SORCS3: variants seen among roughly 807,000 people sequenced by gnomAD.
SORCS3 encodes the protein VPS10 domain-containing receptor SorCS3.
In SORCS3, 57 loss-of-function variants were observed where a neutral mutation model predicts 146.3. That is an observed-to-expected ratio of 0.39 (90% CI 0.31 to 0.49). SORCS3 has a LOEUF of 0.49. Ranked by LOEUF, SORCS3 falls within the 20% of genes least tolerant of loss-of-function variation. The pLI is 0.92. For synonymous variants in SORCS3, 653 were observed against 618.5 expected, an observed-to-expected ratio of 1.06 and a Z score of -0.83; for missense variants, 1,341 against 1,575.5, an observed-to-expected ratio of 0.85 and a Z score of 2.52.
At chr10:105,011,454 G>A (rs1272927632) in intron 4 of SORCS3, among the ~76,000 whole-genome samples, 2 of 152,144 alleles carry the variant, frequency 1.3e-5, no homozygotes, top group Non-Finnish European at 2.9e-5. Context: ...TTCTTTCACT[G>A]AGCAGTGATT....
At chr10:105,194,741 T>G (rs1224631851) in intron 14 of SORCS3, among the ~76,000 whole-genome samples, 1 of 152,140 alleles carries the variant, frequency 6.6e-6, no homozygotes, top group African/African-American at 2.4e-5. Context: ...TTTAATTAGT[T>G]GACAAAAATT....
At chr10:105,096,155 C>T (rs1191330274) in intron 6 of SORCS3, among the ~76,000 whole-genome samples, 2 of 151,792 alleles carry the variant, frequency 1.3e-5, no homozygotes, top group African/African-American at 4.8e-5. Flanking sequence ...CAAGCAGGCA[C>T]ACACACACCC....
chr10:105,052,558 G>C (rs1392617043), intron 5 of SORCS3, among the ~76,000 whole-genome samples: 2 of 152,112 alleles, frequency 1.3e-5, no homozygotes, highest in Non-Finnish European at 2.9e-5. Context: ...TATGAGGGTG[G>C]TGGGTCAGAA....
At chr10:104,835,831 C>T (rs1230395272) in intron 1 of SORCS3, among the ~76,000 whole-genome samples, 1 of 152,220 alleles carries the variant, frequency 6.6e-6, no homozygotes, top group Non-Finnish European at 1.5e-5. Context: ...AATTGTCACA[C>T]TTATAACTCA....
At chr10:105,224,655 A>T (rs1374341684) in intron 20 of SORCS3, among the ~76,000 whole-genome samples, 1 of 152,174 alleles carries the variant, frequency 6.6e-6, no homozygotes, top group African/African-American at 2.4e-5. Context: ...TTTGAAATAA[A>T]CCACTAAACT....
intron 4 of SORCS3, among the ~76,000 whole-genome samples, chr10:104,993,202 G>C (rs1462110901): frequency 6.6e-6 from 1 of 152,220 alleles, no homozygotes; most frequent in Non-Finnish European, 1.5e-5. Context: ...TGACAAAGGA[G>C]ATGCTTGTTT....
intron 4 of SORCS3, among the ~76,000 whole-genome samples, chr10:105,009,716 T>C (rs189756661): frequency 2.0e-5 from 3 of 152,132 alleles, no homozygotes; most frequent in East Asian, 3.9e-4. Flanking sequence ...TTCAAATTTT[T>C]CAATAATTTT....
At chr10:105,174,668 G>T (rs2056385374) in intron 13 of SORCS3, among the ~76,000 whole-genome samples, 1 of 123,314 alleles carries the variant, frequency 8.1e-6, no homozygotes, top group African/African-American at 2.8e-5. Flanking sequence ...GTCATCTTTG[G>T]GCTTCAGTTA....
chr10:105,216,232 G>A (rs2056664241), intron 18 of SORCS3, among the ~76,000 whole-genome samples: 3 of 152,060 alleles, frequency 2.0e-5, no homozygotes, highest in Admixed American at 2.0e-4. Flanking sequence ...AATTTGGGGT[G>A]GTATGCAGTA....
intron 1 of SORCS3, among the ~76,000 whole-genome samples, chr10:104,674,180 T>A (rs1285213247): frequency 6.6e-6 from 1 of 152,194 alleles, no homozygotes; most frequent in Non-Finnish European, 1.5e-5. Context: ...TTAAGTTTTG[T>A]CTGTTCTTGA....
rs2119648750 is a variant in SORCS3, at chr10:105,214,401, ACAAT to A, written c.2376-37_2376-34del. On this transcript the variant is annotated intron_variant, in intron 17 of 26. Transcript: ENST00000369701. ...ACACACATACAACAGCAACAACAAC[ACAAT>A]CAACACAAACCACTATCAATTGTCA... The A allele has an allele frequency of 3.7e-6, 6 of 1,610,300 alleles. No individual in the cohort carries two copies. In the East Asian group the frequency reaches 1.1e-4, roughly 30 times the overall value.
chr10:104,848,788 C>T (rs2496005), intron 2 of SORCS3, among the ~76,000 whole-genome samples: 15,062 of 152,190 alleles, frequency 0.099, 2,407 homozygotes, highest in African/African-American at 0.34. Flanking sequence ...AGCAGCCCTG[C>T]GCTCATTGCT....
chr10:105,019,887 T>G (rs990335724), intron 4 of SORCS3, among the ~76,000 whole-genome samples: 16 of 152,206 alleles, frequency 1.1e-4, no homozygotes, highest in African/African-American at 3.6e-4. Context: ...AAAGATTAGC[T>G]TGTTGCAGGG....
intron 1 of SORCS3, among the ~76,000 whole-genome samples, chr10:104,666,880 A>G (rs752166887): frequency 7.2e-5 from 11 of 152,184 alleles, no homozygotes; most frequent in South Asian, 6.2e-4. Context: ...TCTTTGGACT[A>G]TTGGATCAGA....
chr10:104,680,502 A>G (rs1464134493), intron 1 of SORCS3, among the ~76,000 whole-genome samples: 1 of 152,210 alleles, frequency 6.6e-6, no homozygotes, highest in East Asian at 1.9e-4. Flanking sequence ...CTCTGAAGTC[A>G]GGCTGCATGG....
intron 19 of SORCS3, among the ~76,000 whole-genome samples, chr10:105,219,542 C>T (rs984424561): frequency 1.3e-5 from 2 of 152,188 alleles, no homozygotes; most frequent in African/African-American, 4.8e-5. Context: ...ACTGGATGTT[C>T]CCAGATACCA....
At chr10:105,087,089 T>C (rs1029538474) in intron 5 of SORCS3, among the ~76,000 whole-genome samples, 11 of 152,238 alleles carry the variant, frequency 7.2e-5, no homozygotes, top group African/African-American at 2.7e-4. Context: ...TTAATCCATC[T>C]TGAGTTAATT....
At chr10:104,649,609 C>G (rs2015535202) in intron 1 of SORCS3, among the ~76,000 whole-genome samples, 1 of 152,194 alleles carries the variant, frequency 6.6e-6, no homozygotes, top group African/African-American at 2.4e-5. Context: ...CAACCACCTC[C>G]CATAGTTCAT....
At chr10:105,139,998 G>A (rs2056084442) in intron 8 of SORCS3, among the ~76,000 whole-genome samples, 1 of 152,190 alleles carries the variant, frequency 6.6e-6, no homozygotes, top group African/African-American at 2.4e-5. Context: ...AATATCAAAT[G>A]TTGGCATTTT....
Sources: gnomAD v4.1 joint callset for allele counts (sites outside exome capture counted in the v4.1 genomes callset) on GRCh38, gnomAD v4.1.1 for gene constraint, MANE v1.5 for transcripts, NCBI Gene and HGNC (gene_info 2026-07-23, HGNC 2026-07-21) for gene names.